CEP95: variants seen among roughly 807,000 people sequenced by gnomAD.
CEP95 encodes the protein centrosomal protein 95.
A neutral mutation model predicts 111.2 loss-of-function variants in CEP95; 98 were observed. The observed-to-expected ratio is 0.88, with a 90% CI of 0.75 to 1.04. The LOEUF (loss-of-function observed/expected upper bound fraction) is 1.04, where lower values mean the gene tolerates loss of function less well. Among genes scored for constraint, CEP95 ranks in the 50% least tolerant of loss-of-function variants. The pLI is 0.00. For missense variants in CEP95, 1,027 were observed against 977.2 expected, an observed-to-expected ratio of 1.05 and a Z score of -0.68; for synonymous variants, 323 against 327.1, an observed-to-expected ratio of 0.99 and a Z score of 0.14.
At chr17:64,528,392 C>T (rs1350781907) in intron 11 of CEP95, among the ~76,000 whole-genome samples, 1 of 152,094 alleles carries the variant, frequency 6.6e-6, no homozygotes, top group Non-Finnish European at 1.5e-5. Flanking sequence ...TTTCTAGGCA[C>T]CCTCATCCAG....
chr17:64,533,281 C>A (rs1968417056), intron 16 of CEP95, 90 bp downstream of exon 16: 2 of 1,085,268 alleles, frequency 1.8e-6, no homozygotes, highest in African/African-American at 1.6e-5. Context: ...TTGCACAGAC[C>A]CTTAACCTCT....
chr17:64,506,941 G>T (rs2038564186), upstream of CEP95: 9 of 803,044 alleles, frequency 1.1e-5, no homozygotes, highest in South Asian at 8.9e-5. Context: ...TCAGCGGCGA[G>T]AAGCTCTTTT....
At chr17:64,509,072 T>G (rs2038751218) in intron 2 of CEP95, among the ~76,000 whole-genome samples, 1 of 152,316 alleles carries the variant, frequency 6.6e-6, no homozygotes, top group East Asian at 1.9e-4. Flanking sequence ...TTTCTGTAAA[T>G]GTACCTTCAA....
chr17:64,525,783 G>T lies in CEP95; in HGVS notation c.923G>T (p.Gly308Val). ...TGTTTTTAATAGGATCTAGATGATG[G>T]ACTTTTCTTAATTTCCAAGTTGCCT... ...HTEFSGDLDD[G>V]LFLISKLPKG... Residue 308 changes from glycine (G) to valine (V), a missense_variant, in exon 9 of 20, where the codon GGA becomes GTA. Physicochemically the swap from Gly to Val is moderately radical, Grantham distance 109. Transcript: ENST00000556440. The T allele has an allele frequency of 6.2e-7, 1 of 1,604,256 alleles. No homozygotes were observed. Among genetic ancestry groups the T allele is most frequent in the South Asian group, 1.1e-5 (1 of 89,280 alleles).
chr17:64,507,012 G>C lies in CEP95; in HGVS notation c.-86G>C. On this transcript the variant is annotated 5_prime_UTR_variant, in exon 1 of 20. Transcript: ENST00000556440. ...CTTTGGTTCGTGCGTCCGCGCCCCA[G>C]TGTCGGGTCTGCGTGGATCGGTCCT... 6.7e-7 allele frequency: 1 copy of C among 1,493,168 alleles called. No individual in the cohort carries two copies. The highest frequency in any genetic ancestry group is 2.0e-5 in the Admixed American group (1 of 50,958). The allele number at this position is 1,493,168 out of a possible 1,614,324, so 92.5% of individuals were successfully genotyped here. A position where few individuals can be genotyped will look rare whatever the true frequency, so the allele number is the denominator to read the frequency against.
chr17:64,507,745 A>C (rs2038638849), intron 1 of CEP95: 29 of 985,812 alleles, frequency 2.9e-5, no homozygotes, highest in South Asian at 4.7e-5. Flanking sequence ...GATTATGTGC[A>C]TGGAAAATAC....
rs1968485559 is a variant in CEP95, at chr17:64,534,218, GC to G, written c.1918-365del. The G allele has an allele frequency of 2.5e-5, 5 of 203,472 alleles. No individual in the cohort carries two copies. The South Asian group carries it at 5.0e-4, about 20-fold the overall frequency. The allele number at this position is 203,472 out of a possible 1,614,324, so 12.6% of individuals were successfully genotyped here. On this transcript the variant is annotated intron_variant, in intron 16 of 19. Coordinates refer to ENST00000556440, the MANE Select transcript of CEP95 (RefSeq NM_138363.3). Reference sequence around the variant, plus strand: ...ATACTGTCTAATTTCCTTAGTTTTTGCCTAAATGCTCCTGGCAGCTCAGGCT... The same window carrying G: ...ATACTGTCTAATTTCCTTAGTTTTTGCTAAATGCTCCTGGCAGCTCAGGCT...
chr17:64,526,115 C>T lies in CEP95; in HGVS notation c.1067C>T (p.Pro356Leu). 6.2e-7 allele frequency: 1 copy of T among 1,613,720 alleles called. No individual in the cohort carries two copies. The highest frequency in any genetic ancestry group is 8.5e-7 in the Non-Finnish European group (1 of 1,179,770). The change falls in exon 10 of 20, where the codon CCC becomes CTC. Residue 356 changes from proline to leucine, a missense_variant. Pro to Leu is a moderately conservative substitution (Grantham distance 98). Coordinates refer to ENST00000556440, the MANE Select transcript of CEP95 (RefSeq NM_138363.3). ...ATASSCNSPFPQRPRKRLTEQ... is the reference protein window; with the variant it reads ...ATASSCNSPFLQRPRKRLTEQ... The stretch of plus-strand genomic sequence containing the variant: ...GCCTCATCCTGCAATTCACCTTTCC[C>T]CCAGAGGCCAAGAAAGAGATTAACA...
At chr17:64,517,834 C>T (rs140435353) in intron 5 of CEP95, among the ~76,000 whole-genome samples, 15 of 151,678 alleles carry the variant, frequency 9.9e-5, no homozygotes, top group African/African-American at 3.1e-4. Context: ...TCACCAGGCT[C>T]GTTTCCTGCA....
intron 4 of CEP95, chr17:64,515,879 C>G (rs1243275261): frequency 2.0e-5 from 3 of 152,130 alleles, no homozygotes; most frequent in Non-Finnish European, 4.4e-5. Context: ...TATCATTTAC[C>G]ACTGAAGAAG....
chr17:64,518,115 G>A (rs1967016203), intron 5 of CEP95, among the ~76,000 whole-genome samples: 1 of 152,168 alleles, frequency 6.6e-6, no homozygotes, highest in African/African-American at 2.4e-5. Context: ...GACCTCAAGT[G>A]ATCCGCCTGC....
At chr17:64,536,885 C>G (rs970027373) in intron 18 of CEP95, 137 bp downstream of exon 18, 2 of 1,205,880 alleles carry the variant, frequency 1.7e-6, no homozygotes, top group Non-Finnish European at 2.3e-6. Flanking sequence ...GACCCCATTT[C>G]AAGATTGAAA....
At position 64,507,059 on chromosome 17, in the gene CEP95, C is replaced by T. The variant is rs1555673138; in HGVS notation, c.-39C>T. On this transcript the variant is annotated 5_prime_UTR_variant, in exon 1 of 20. Transcript: ENST00000556440. ...TCCTTCCAGGACACCGTCGCCTTCCCGGCCGCGTCGGAGTCCGGCGGCGAC... is the reference window on the plus strand; with the variant it reads ...TCCTTCCAGGACACCGTCGCCTTCCTGGCCGCGTCGGAGTCCGGCGGCGAC... The T allele has an allele frequency of 3.9e-6, 6 of 1,550,684 alleles. No individual in the cohort carries two copies. The Admixed American group carries it at 5.9e-5, about 15-fold the overall frequency.
intron 18 of CEP95, 23 bp from the exon 19 acceptor site, chr17:64,537,018 G>T (rs781961031): frequency 1.3e-4 from 202 of 1,579,560 alleles, no homozygotes; most frequent in Non-Finnish European, 1.6e-4. Flanking sequence ...TATAATATTT[G>T]TTTTTTTTCT....
Position 64,519,383 on chromosome 17 carries a change from G to T in CEP95, c.536G>T (p.Gly179Val). ...GATGGAGATGAAGCAGAATCCACTG[G>T]TGAAATCATTAGACTTGGAGACACA... ...SWDGDEAEST[G>V]EIIRLGDTAH... is the part of the protein sequence containing the mutation. The change falls in exon 6 of 20, where the codon GGT becomes GTT. Residue 179 changes from glycine to valine, a missense_variant. Gly to Val is a moderately radical substitution (Grantham distance 109). Coordinates refer to ENST00000556440, the MANE Select transcript of CEP95 (RefSeq NM_138363.3). 6.2e-7 allele frequency: 1 copy of T among 1,613,854 alleles called. No homozygotes were observed. The highest frequency in any genetic ancestry group is 8.5e-7 in the Non-Finnish European group (1 of 1,179,778).
chr17:64,508,607 C>A lies in CEP95; in HGVS notation c.35C>A (p.Ala12Asp). The A allele has an allele frequency of 7.1e-7, 1 of 1,415,460 alleles. No individual in the cohort carries two copies. The highest frequency in any genetic ancestry group is 9.3e-7 in the Non-Finnish European group (1 of 1,074,712). The allele number at this position is 1,415,460 out of a possible 1,614,324, so 87.7% of individuals were successfully genotyped here. A position where few individuals can be genotyped will look rare whatever the true frequency, so the allele number is the denominator to read the frequency against. The change falls in exon 2 of 20, where the codon GCC (alanine) becomes GAC (aspartate). Residue 12 changes from alanine (A) to aspartate (D), a missense_variant. By Grantham distance (126) the Ala-to-Asp change is moderately radical. Coordinates refer to ENST00000556440, the MANE Select transcript of CEP95 (RefSeq NM_138363.3). ...AGSDAEWVTI[A>D]NNLLFKCHIH... ...TTCCCAACAGAGTGGGTAACCATTG[C>A]CAATAACCTTCTTTTTAAGTGTCAT...
At chr17:64,514,203 GA>G (rs1381814792) in intron 3 of CEP95, 44 bp from the exon 4 acceptor site, 1 of 764,658 alleles carries the variant, frequency 1.3e-6, no homozygotes, top group Non-Finnish European at 2.2e-6. Context: ...GAAGCTTTCA[GA>G]TTTCATGGTT....
intron 3 of CEP95, among the ~76,000 whole-genome samples, chr17:64,511,532 T>TC (rs1394527618): frequency 6.6e-6 from 1 of 152,250 alleles, no homozygotes; most frequent in Non-Finnish European, 1.5e-5. Flanking sequence ...AGGTTATCTG[T>TC]CTTATTCCCT....
intron 17 of CEP95, 97 bp from the exon 18 acceptor site, chr17:64,536,505 A>C: frequency 9.4e-6 from 4 of 427,210 alleles, no homozygotes; most frequent in Non-Finnish European, 3.6e-6. Context: ...ACTAGTATTT[A>C]AAAAAAAAAA....
Sources: allele counts gnomAD v4.1 joint callset (sites outside exome capture counted in the v4.1 genomes callset), GRCh38; gene constraint gnomAD v4.1.1; transcripts MANE v1.5; gene names NCBI Gene and HGNC (gene_info 2026-07-23, HGNC 2026-07-21).